The following CARMIL1 variants were observed in gnomAD, a reference collection of about 807,000 sequenced individuals.
The protein encoded by CARMIL1 is F-actin-uncapping protein LRRC16A.
A neutral mutation model predicts 177.1 loss-of-function variants in CARMIL1; 90 were observed. That is an observed-to-expected ratio of 0.51 (90% CI 0.43 to 0.61). The LOEUF is 0.61. Among genes scored for constraint, CARMIL1 ranks in the 20% least tolerant of loss-of-function variants. The pLI, the probability that CARMIL1 is intolerant of heterozygous loss-of-function variation, is 0.00. For synonymous variants in CARMIL1, 577 were observed against 606.2 expected (o/e 0.95, Z 0.71); for missense variants, 1,380 against 1,667.0 (o/e 0.83, Z 3.00).
intron 2 of CARMIL1, among the ~76,000 whole-genome samples, chr6:25,353,990 A>G (rs1880272): frequency 0.44 from 66,309 of 152,024 alleles, 14,952 homozygotes; most frequent in Non-Finnish European, 0.5. Flanking sequence ...ACTGGCATCT[A>G]TGGGGTAGAG....
Position 25,515,678 on chromosome 6 carries a change from CTGCAGTCCTT to C in CARMIL1, c.1637_1646del (p.Leu546ArgfsTer25). ...CCGTGTGTCATTTGCTCCGCAGCCT[CTGCAGTCCTT>C]GTCCCTGGCTGACTCGAAACTCAAG... is the stretch of plus-strand genomic sequence containing the variant. On this transcript the variant is annotated frameshift_variant, in exon 21 of 37. Transcript: ENST00000329474. LOFTEE classifies it high-confidence loss of function. The surrounding 1 kb of genome is among the most constrained non-coding windows in gnomAD (Gnocchi z 5.0). 1 of 1,601,010 alleles carries C rather than the reference CTGCAGTCCTT, an allele frequency of 6.2e-7. No individual in the cohort carries two copies. The highest frequency in any genetic ancestry group is 1.3e-5 in the African/African-American group (1 of 74,792).
At chr6:25,421,514 G>C (rs957129937) in intron 3 of CARMIL1, among the ~76,000 whole-genome samples, 2 of 151,946 alleles carry the variant, frequency 1.3e-5, no homozygotes, top group Non-Finnish European at 2.9e-5. Context: ...CCCAGCCATC[G>C]CATTACTGGG....
intron 17 of CARMIL1, among the ~76,000 whole-genome samples, chr6:25,504,842 C>T (rs189946124): frequency 6.6e-6 from 1 of 152,280 alleles, no homozygotes; most frequent in Non-Finnish European, 1.5e-5. Flanking sequence ...TGAAACCTGG[C>T]TCAGTTACTT....
At chr6:25,456,204 T>C (rs1480385855) in intron 8 of CARMIL1, among the ~76,000 whole-genome samples, 1 of 152,230 alleles carries the variant, frequency 6.6e-6, no homozygotes, top group Non-Finnish European at 1.5e-5. Context: ...TGGCTTCCTA[T>C]TTCTATATAT....
chr6:25,552,892 A>G (rs1810246432), intron 27 of CARMIL1, among the ~76,000 whole-genome samples: 1 of 152,288 alleles, frequency 6.6e-6, no homozygotes, highest in African/African-American at 2.4e-5. Flanking sequence ...GGTGGGACCC[A>G]ATAACCTGTA....
In CARMIL1 at chr6:25,577,664, A is replaced by G. The variant is rs755480569; in HGVS notation, c.2743-3260A>G. ...TGTTAAAAGTGGGTTTGACAGGAAA[A>G]AAATGTTACGTTGTTTGGAAGGTTC... On this transcript the variant is annotated intron_variant, in intron 29 of 36. Transcript: ENST00000329474. This position sits in a 1 kb window ranked among gnomAD's most constrained non-coding sequence, Gnocchi z 4.5. Among the ~76,000 whole-genome samples the G allele has an allele frequency of 3.3e-5, 5 of 152,146 alleles. No individual in the cohort carries two copies. The highest frequency in any genetic ancestry group is 7.4e-5 in the Non-Finnish European group (5 of 68,010).
chr6:25,289,093 A>G (rs991858402), intron 2 of CARMIL1, among the ~76,000 whole-genome samples: 3 of 152,224 alleles, frequency 2.0e-5, no homozygotes, highest in Non-Finnish European at 4.4e-5. Flanking sequence ...TTAAGAAAAG[A>G]TAGAACAGGC....
At chr6:25,522,883 C>T (rs1806713448) in intron 23 of CARMIL1, among the ~76,000 whole-genome samples, 2 of 152,122 alleles carry the variant, frequency 1.3e-5, no homozygotes, top group South Asian at 2.1e-4. Flanking sequence ...AGTCATGGCT[C>T]ACTGCAGCCT....
intron 1 of CARMIL1, among the ~76,000 whole-genome samples, chr6:25,284,462 C>A (rs2150127068): frequency 6.6e-6 from 1 of 152,344 alleles, no homozygotes; most frequent in Non-Finnish European, 1.5e-5. Flanking sequence ...GTAATCCCGG[C>A]ACTTTGGGAG....
chr6:25,363,385 A>G (rs1020436311), intron 2 of CARMIL1, among the ~76,000 whole-genome samples: 4 of 123,514 alleles, frequency 3.2e-5, no homozygotes, highest in Non-Finnish European at 7.5e-5. Flanking sequence ...AGGCTGTTCT[A>G]CACCACGGAA....
chr6:25,586,426 C>T (rs1321913826), intron 31 of CARMIL1, among the ~76,000 whole-genome samples: 1 of 148,330 alleles, frequency 6.7e-6, no homozygotes, highest in Non-Finnish European at 1.5e-5. Context: ...TCCTCACTTC[C>T]CAGACAGGAT....
At chr6:25,459,210 T>C (rs181983248) in intron 8 of CARMIL1, among the ~76,000 whole-genome samples, 41 of 80,178 alleles carry the variant, frequency 5.1e-4, no homozygotes, top group East Asian at 3.5e-3. Context: ...GATCCCAACT[T>C]TTTCTTTCTT....
Position 25,537,948 on chromosome 6 carries a change from G to C in CARMIL1, c.2161G>C (p.Glu721Gln). ...TATCCAGGAAGATTTAAAATCAGCA[G>C]AGCGGCTCATGCGTGATGCTAAGAA... ...DAIQEDLKSA[E>Q]RLMRDAKNSK... Residue 721 changes from glutamate to glutamine, a missense_variant, in exon 25 of 37, where the codon GAG (glutamate) becomes CAG (glutamine). By Grantham distance (29) the Glu-to-Gln change is conservative. Coordinates refer to ENST00000329474, the MANE Select transcript of CARMIL1 (RefSeq NM_017640.6). 1 of 1,605,536 alleles carries C rather than the reference G, an allele frequency of 6.2e-7. No homozygotes were observed. Among genetic ancestry groups the C allele is most frequent in the Non-Finnish European group, 8.5e-7 (1 of 1,175,946 alleles).
chr6:25,291,529 A>C (rs1029930335), intron 2 of CARMIL1, among the ~76,000 whole-genome samples: 1 of 152,230 alleles, frequency 6.6e-6, no homozygotes, highest in Non-Finnish European at 1.5e-5. Context: ...TTGATTCAGC[A>C]GTATGACCTG....
intron 2 of CARMIL1, among the ~76,000 whole-genome samples, chr6:25,377,227 A>G (rs1791078734): frequency 6.6e-6 from 1 of 152,080 alleles, no homozygotes; most frequent in African/African-American, 2.4e-5. Context: ...CTTCTCCAAG[A>G]CCCTTCATGG....
chr6:25,319,704 C>T (rs1025924331), intron 2 of CARMIL1, among the ~76,000 whole-genome samples: 6 of 149,862 alleles, frequency 4.0e-5, no homozygotes, highest in African/African-American at 1.5e-4. Context: ...TGCAGAATAA[C>T]TTCTTGAGTG....
intron 2 of CARMIL1, among the ~76,000 whole-genome samples, chr6:25,291,046 A>G (rs1383190188): frequency 6.6e-6 from 1 of 152,148 alleles, no homozygotes; most frequent in African/African-American, 2.4e-5. Context: ...TTCTGGACTC[A>G]AGCGATTCTC....
chr6:25,619,342 C>G (rs1432140713), intron 36 of CARMIL1, 105 bp from the exon 37 acceptor site: 1 of 1,169,938 alleles, frequency 8.5e-7, no homozygotes, highest in Admixed American at 2.7e-5. Context: ...CCCTGGCCCC[C>G]TCCCCTCCCC....
rs957469638 is a variant in CARMIL1, at chr6:25,279,465, C to G, written c.-331C>G. 3 of 432,352 alleles carry G rather than the reference C, an allele frequency of 6.9e-6. No homozygotes were observed. The highest frequency in any genetic ancestry group is 1.3e-5 in the Non-Finnish European group (3 of 237,328). The allele number at this position is 432,352 out of a possible 1,614,324, so 26.8% of individuals were successfully genotyped here. A position where few individuals can be genotyped will look rare whatever the true frequency, so the allele number is the denominator to read the frequency against. On this transcript the variant is annotated 5_prime_UTR_variant, in exon 1 of 37. Transcript: ENST00000329474. ...ACGCCGGCCCAAGCCCCGCCGGGGACCAGCGAGCCGGGAGGAGGAGCAGGC... is the reference window on the plus strand; with the variant it reads ...ACGCCGGCCCAAGCCCCGCCGGGGAGCAGCGAGCCGGGAGGAGGAGCAGGC...
Sources: allele counts gnomAD v4.1 joint callset (sites outside exome capture counted in the v4.1 genomes callset), GRCh38; gene constraint gnomAD v4.1.1; non-coding constraint Gnocchi (gnomAD v3.1); transcripts MANE v1.5; gene names NCBI Gene and HGNC (gene_info 2026-07-23, HGNC 2026-07-21).